The following TTYH2 variants were observed in gnomAD, a reference collection of about 807,000 sequenced individuals.
The protein encoded by TTYH2 is tweety family member 2.
A neutral mutation model predicts 68.3 loss-of-function variants in TTYH2; 49 were observed. That is an observed-to-expected ratio of 0.72 (90% CI 0.57 to 0.91). The LOEUF (loss-of-function observed/expected upper bound fraction) is 0.91, where lower values mean the gene tolerates loss of function less well. Among genes scored for constraint, TTYH2 ranks in the 40% least tolerant of loss-of-function variants. The probability of loss-of-function intolerance (pLI) is 0.00; values close to 1 mark genes in which losing one functional copy is unlikely to be tolerated. For synonymous variants in TTYH2, 272 were observed against 300.8 expected, an observed-to-expected ratio of 0.90 and a Z score of 0.99; for missense variants, 631 against 700.4, an observed-to-expected ratio of 0.90 and a Z score of 1.12.
intron 2 of TTYH2, among the ~76,000 whole-genome samples, chr17:74,227,051 T>C (rs1028371761): frequency 1.3e-5 from 2 of 152,198 alleles, no homozygotes; most frequent in African/African-American, 2.4e-5. Context: ...CTCAGCTCAC[T>C]GCAACCTCTG....
chr17:74,247,340 T>C (rs1029470853), intron 6 of TTYH2, among the ~76,000 whole-genome samples: 1 of 152,106 alleles, frequency 6.6e-6, no homozygotes, highest in Non-Finnish European at 1.5e-5. Flanking sequence ...CATTTCGACA[T>C]GCACACACAC....
chr17:74,222,349 A>T lies in TTYH2; in HGVS notation c.130-136A>T. The T allele has an allele frequency of 1.9e-6, 2 of 1,061,880 alleles. No homozygotes were observed. Among genetic ancestry groups the T allele is most frequent in the Non-Finnish European group, 2.6e-6 (2 of 757,600 alleles). 65.8% of individuals were successfully genotyped at this position (1,061,880 alleles called of 1,614,324 possible). A position where few individuals can be genotyped will look rare whatever the true frequency, so the allele number is the denominator to read the frequency against. ...CTCTGTTTACAGAGTAGGAGCTTGA[A>T]CCCTAGGTGGAGCTTGGAAGGATGG... On this transcript the variant is annotated intron_variant, in intron 1 of 13. Transcript: ENST00000269346. The surrounding 1 kb of genome is among the most constrained non-coding windows in gnomAD (Gnocchi z 5.2).
intron 6 of TTYH2, 65 bp downstream of exon 6, chr17:74,244,114 C>G: frequency 6.8e-7 from 1 of 1,472,574 alleles, no homozygotes; most frequent in Non-Finnish European, 9.4e-7. Context: ...TGGTGTGTCT[C>G]CAAGCAGGGC....
At chr17:74,230,651 T>A (rs1451349454) in intron 2 of TTYH2, among the ~76,000 whole-genome samples, 1 of 151,886 alleles carries the variant, frequency 6.6e-6, no homozygotes, top group Non-Finnish European at 1.5e-5. Flanking sequence ...AGCTTTTTTT[T>A]TTTTTTGGAG....
At position 74,217,949 on chromosome 17, in the gene TTYH2, G is replaced by A. The variant is rs1338626970; in HGVS notation, c.129+4233G>A. Among the ~76,000 whole-genome samples the A allele has an allele frequency of 3.3e-5, 5 of 152,110 alleles. No homozygotes were observed. In the South Asian group the frequency reaches 1.0e-3, roughly 31 times the overall value. ...GGTGTTGCTGTGGGACAAGGAGGTG[G>A]CTGCAGGGCACAGTGGGAGGCGTGG... On this transcript the variant is annotated intron_variant, in intron 1 of 13. Transcript: ENST00000269346. The surrounding 1 kb of genome is among the most constrained non-coding windows in gnomAD (Gnocchi z 4.0).
At chr17:74,244,070 G>A (rs201928914) in intron 6 of TTYH2, 21 bp downstream of exon 6, 2 of 1,605,038 alleles carry the variant, frequency 1.2e-6, no homozygotes, top group East Asian at 4.5e-5. Context: ...GGAGGGAGTG[G>A]GTGGTGGGTG....
intron 6 of TTYH2, among the ~76,000 whole-genome samples, chr17:74,245,505 G>A (rs559553186): frequency 6.6e-6 from 1 of 152,364 alleles, no homozygotes; most frequent in Non-Finnish European, 1.5e-5. Flanking sequence ...GAGCTGCCCT[G>A]TGGTGGCCGC....
At position 74,219,321 on chromosome 17, in the gene TTYH2, G is replaced by A. The variant is rs531912634; in HGVS notation, c.130-3164G>A. On this transcript the variant is annotated intron_variant, in intron 1 of 13. Transcript: ENST00000269346. ...GGAGAATCCCTTGCACCTGGGAGGCGGAGGTTGCAGTGAGCCGAGATTGTA... is the reference window on the plus strand; with the variant it reads ...GGAGAATCCCTTGCACCTGGGAGGCAGAGGTTGCAGTGAGCCGAGATTGTA... Among the ~76,000 whole-genome samples the A allele has an allele frequency of 3.7e-4, 55 of 149,440 alleles. 1 individual carries two copies. The highest frequency in any genetic ancestry group is 1.9e-4 in the East Asian group (1 of 5,170).
chr17:74,252,570 G>T (rs2050644936), intron 11 of TTYH2, among the ~76,000 whole-genome samples, 194 bp downstream of exon 11: 1 of 152,266 alleles, frequency 6.6e-6, no homozygotes, highest in South Asian at 2.1e-4. Context: ...CCCTCCAAAG[G>T]AGTTCGGTGG....
intron 2 of TTYH2, among the ~76,000 whole-genome samples, chr17:74,223,316 G>C (rs2050297808): frequency 6.6e-6 from 1 of 151,648 alleles, no homozygotes; most frequent in African/African-American, 2.4e-5. Flanking sequence ...GGAAGAGACA[G>C]GCTTTCATCA....
At chr17:74,216,940 A>G (rs2050226824) in intron 1 of TTYH2, among the ~76,000 whole-genome samples, 1 of 152,266 alleles carries the variant, frequency 6.6e-6, no homozygotes, top group Admixed American at 6.5e-5. Context: ...GGCACACTGG[A>G]AACTGCTACA....
In TTYH2 at chr17:74,218,716, G is replaced by A. The variant is rs183228810; in HGVS notation, c.130-3769G>A. Reference sequence around the variant, plus strand: ...TGGAGGAGGCTTGAGAGAGTGAAACGGGGGAGCAGGCTACATCACCCACAG... The same window carrying A: ...TGGAGGAGGCTTGAGAGAGTGAAACAGGGGAGCAGGCTACATCACCCACAG... On this transcript the variant is annotated intron_variant, in intron 1 of 13. Transcript: ENST00000269346. 1.2e-4 allele frequency among the ~76,000 whole-genome samples: 18 copies of A among 152,262 alleles called. No individual in the cohort carries two copies. In the East Asian group the frequency reaches 3.3e-3, roughly 28 times the overall value.
At chr17:74,228,482 G>C (rs1158801732) in intron 2 of TTYH2, among the ~76,000 whole-genome samples, 2 of 152,244 alleles carry the variant, frequency 1.3e-5, no homozygotes, top group Non-Finnish European at 2.9e-5. Flanking sequence ...GATGGAATAT[G>C]ATGGATGACA....
intron 9 of TTYH2, 32 bp downstream of exon 9, chr17:74,250,060 C>T: frequency 6.2e-7 from 1 of 1,609,604 alleles, no homozygotes; most frequent in Non-Finnish European, 8.5e-7. Context: ...AGGGGAGCCC[C>T]AGATGAACCC....
At position 74,249,085 on chromosome 17, in the gene TTYH2, CTA is replaced by C; in HGVS notation, c.874+6_874+7del. ...CGGAGGGCCAGATCAGCACAGGTAA[CTA>C]CACACTCTCAGGCTGCTGCTGTGGA... On this transcript the variant is annotated splice_donor_region_variant and intron_variant, in intron 7 of 13. Coordinates refer to ENST00000269346, the MANE Select transcript of TTYH2 (RefSeq NM_032646.6). 1 of 1,614,186 alleles carries C rather than the reference CTA, an allele frequency of 6.2e-7. No individual in the cohort carries two copies. Among genetic ancestry groups the C allele is most frequent in the South Asian group, 1.1e-5 (1 of 91,086 alleles).
chr17:74,251,384 T>G lies in TTYH2; in HGVS notation c.1117-850T>G, dbSNP rs575179759. Reference sequence around the variant, plus strand: ...TGTGCATGTGGGGGGTGCATGTGTGTGGGGGGTGTGTGTGCGTGTATTTAT... The same window carrying G: ...TGTGCATGTGGGGGGTGCATGTGTGGGGGGGGTGTGTGTGCGTGTATTTAT... On this transcript the variant is annotated intron_variant, in intron 10 of 13. Transcript: ENST00000269346. Among the ~76,000 whole-genome samples, 44 of 139,980 alleles carry G rather than the reference T, an allele frequency of 3.1e-4. No homozygotes were observed. The South Asian group carries it at 4.2e-3, about 13-fold the overall frequency. The allele number at this position is 139,980 out of a possible 152,430, so 91.8% of individuals were successfully genotyped here. A position where few individuals can be genotyped will look rare whatever the true frequency, so the allele number is the denominator to read the frequency against.
intron 13 of TTYH2, among the ~76,000 whole-genome samples, chr17:74,257,511 C>T (rs1056814994): frequency 6.6e-6 from 1 of 152,176 alleles, no homozygotes; most frequent in African/African-American, 2.4e-5. Context: ...TCCTTAGCAC[C>T]GAGCAAGTTC....
intron 10 of TTYH2, among the ~76,000 whole-genome samples, chr17:74,251,293 GTGTGTGTGCATGTGTGT>G (rs1372116451): frequency 1.3e-5 from 2 of 150,122 alleles, no homozygotes; most frequent in Non-Finnish European, 3.0e-5. Flanking sequence ...GATGTGTGTG[GTGTGTGTGCATGTGTGT>G]TGTGTGCACA....
rs147622445 is a variant in TTYH2 at position 74,236,505 on chromosome 17, A to G, written c.415-789A>G. Among the ~76,000 whole-genome samples, 881 of 152,342 alleles carry G rather than the reference A, an allele frequency of 5.8e-3. 10 individuals are homozygous for G. The highest frequency in any genetic ancestry group is 0.02 in the African/African-American group (815 of 41,580). On this transcript the variant is annotated intron_variant, in intron 3 of 13. Transcript: ENST00000269346. ...GGTTTCTCCATCTGGGTGTCTCTGTATATAGTAAGGTATAGTAATGAATGC... is the reference window on the plus strand; with the variant it reads ...GGTTTCTCCATCTGGGTGTCTCTGTGTATAGTAAGGTATAGTAATGAATGC...
Sources: gnomAD v4.1 joint callset for allele counts (sites outside exome capture counted in the v4.1 genomes callset) on GRCh38, gnomAD v4.1.1 for gene constraint, Gnocchi (gnomAD v3.1) non-coding constraint, MANE v1.5 for transcripts, NCBI Gene and HGNC (gene_info 2026-07-23, HGNC 2026-07-21) for gene names.